Variants in CPNE4 observed in about 807,000 individuals in gnomAD.
CPNE4 encodes the protein copine 4, also known as copine-4.
CPNE4 carries 25 observed loss-of-function variants against 67.9 expected under a neutral mutation model. The ratio of observed to expected loss-of-function variants is 0.37; its 90% CI spans 0.27 to 0.51. The LOEUF (loss-of-function observed/expected upper bound fraction) is 0.51, where lower values mean the gene tolerates loss of function less well. Among genes scored for constraint, CPNE4 ranks in the 20% least tolerant of loss-of-function variants. The probability of loss-of-function intolerance (pLI) is 0.93; values close to 1 mark genes in which losing one functional copy is unlikely to be tolerated. For synonymous variants in CPNE4, 242 were observed against 244.9 expected (o/e 0.99, Z 0.11); for missense variants, 464 against 690.8 (o/e 0.67, Z 3.68).
chr3:131,752,626 T>C (rs2082658137), intron 2 of CPNE4, among the ~76,000 whole-genome samples: 1 of 152,200 alleles, frequency 6.6e-6, no homozygotes, highest in South Asian at 2.1e-4. Context: ...GTTTTTGCCA[T>C]ATTTAGTGAG....
chr3:131,909,870 T>C (rs1379507221), intron 1 of CPNE4, among the ~76,000 whole-genome samples: 1 of 152,086 alleles, frequency 6.6e-6, no homozygotes, highest in Admixed American at 6.6e-5. Context: ...TATAAAAGAA[T>C]AAACATATAA....
chr3:131,701,322 C>G (rs1198421910), intron 3 of CPNE4, among the ~76,000 whole-genome samples: 3 of 152,096 alleles, frequency 2.0e-5, no homozygotes, highest in Non-Finnish European at 4.4e-5. Flanking sequence ...CTGGAAGCTT[C>G]TATTTAACAT....
intron 2 of CPNE4, among the ~76,000 whole-genome samples, chr3:131,840,682 C>T (rs1357652699): frequency 6.6e-6 from 1 of 152,118 alleles, no homozygotes; most frequent in Non-Finnish European, 1.5e-5. Flanking sequence ...TTGTATGTCC[C>T]CATATCCCCA....
At chr3:131,778,238 G>A (rs1249137090) in intron 2 of CPNE4, among the ~76,000 whole-genome samples, 1 of 152,040 alleles carries the variant, frequency 6.6e-6, no homozygotes, top group East Asian at 1.9e-4. Flanking sequence ...CATACTGCAT[G>A]CACATTCTCA....
chr3:131,772,938 G>A (rs2083204317), intron 2 of CPNE4, among the ~76,000 whole-genome samples: 1 of 152,084 alleles, frequency 6.6e-6, no homozygotes, highest in Non-Finnish European at 1.5e-5. Context: ...TAAGAACTAG[G>A]AAGTGATCAC....
At chr3:131,772,378 A>G (rs2083189888) in intron 2 of CPNE4, among the ~76,000 whole-genome samples, 2 of 152,204 alleles carry the variant, frequency 1.3e-5, no homozygotes, top group Admixed American at 6.5e-5. Flanking sequence ...GAGTGTTGCC[A>G]CAGTAAATGT....
At chr3:131,655,532 T>G (rs866929967) in intron 7 of CPNE4, among the ~76,000 whole-genome samples, 4 of 152,208 alleles carry the variant, frequency 2.6e-5, no homozygotes, top group Non-Finnish European at 2.9e-5. Flanking sequence ...TTTAGTGATT[T>G]TACTCTTTCA....
In CPNE4 at chr3:131,723,599, G is replaced by T; in HGVS notation, c.207C>A (p.Thr69=). The change falls in exon 3 of 16, where the codon ACC becomes ACA. Residue 69 remains threonine, a synonymous_variant. Coordinates refer to ENST00000429747, the MANE Select transcript of CPNE4 (RefSeq NM_130808.3). ...GTTTTGAGTACACTGGGTTTATGCA[G>T]GTGCGAATCACCTCAGTCCTGTCAA... is the stretch of plus-strand genomic sequence containing the variant. ...FEVDRTEVIR[T]CINPVYSKLF... 1 of 1,613,974 alleles carries T rather than the reference G, an allele frequency of 6.2e-7. No homozygotes were observed. Among genetic ancestry groups the T allele is most frequent in the Non-Finnish European group, 8.5e-7 (1 of 1,179,916 alleles).
intron 3 of CPNE4, among the ~76,000 whole-genome samples, chr3:131,720,425 C>T (rs940260269): frequency 6.6e-6 from 1 of 151,686 alleles, no homozygotes; most frequent in Non-Finnish European, 1.5e-5. Context: ...GCTGGGACTA[C>T]AGGCATGCAC....
At chr3:131,740,914 C>T (rs568075173) in intron 2 of CPNE4, among the ~76,000 whole-genome samples, 23 of 152,324 alleles carry the variant, frequency 1.5e-4, no homozygotes, top group Non-Finnish European at 2.8e-4. Flanking sequence ...ACATCCTAGG[C>T]ATACTCTTGT....
At chr3:131,861,630 A>G (rs2086691096) in intron 2 of CPNE4, among the ~76,000 whole-genome samples, 1 of 151,914 alleles carries the variant, frequency 6.6e-6, no homozygotes, top group Non-Finnish European at 1.5e-5. Context: ...ATGGGGTTTC[A>G]CTATGTTGGC....
Position 132,027,896 on chromosome 3 carries a change from G to A in CPNE4, c.-2+6671C>T, listed in dbSNP as rs187873173. Among the ~76,000 whole-genome samples the A allele has an allele frequency of 2.0e-5, 3 of 152,044 alleles. No homozygotes were observed. The East Asian group carries it at 5.8e-4, about 29-fold the overall frequency. On this transcript the variant is annotated intron_variant, in intron 1 of 15. Coordinates refer to ENST00000429747, the MANE Select transcript of CPNE4 (RefSeq NM_130808.3). Reference sequence around the variant, plus strand: ...TTATTTTTCATTTTTATGGATATTTGTATGAAATACACCTTTCAATATTTT... The same window carrying A: ...TTATTTTTCATTTTTATGGATATTTATATGAAATACACCTTTCAATATTTT...
intron 2 of CPNE4, among the ~76,000 whole-genome samples, chr3:131,777,499 G>A (rs1403515552): frequency 6.6e-6 from 1 of 151,936 alleles, no homozygotes; most frequent in African/African-American, 2.4e-5. Flanking sequence ...AAGGGTAGAT[G>A]AGGTTGTCCT....
At chr3:131,629,380 G>A (rs544208275) in intron 7 of CPNE4, among the ~76,000 whole-genome samples, 95 of 139,336 alleles carry the variant, frequency 6.8e-4, no homozygotes, top group Non-Finnish European at 1.1e-3. Context: ...TTTAAATTAA[G>A]GTATGTTCAT....
intron 2 of CPNE4, among the ~76,000 whole-genome samples, chr3:131,879,694 T>C (rs766667851): frequency 1.4e-4 from 22 of 152,200 alleles, no homozygotes; most frequent in Non-Finnish European, 2.6e-4. Flanking sequence ...CTTCTGGGTG[T>C]ATGGCTTAGG....
chr3:131,905,627 C>G (rs894464735), intron 1 of CPNE4, among the ~76,000 whole-genome samples, 183 bp from the exon 2 acceptor site: 2 of 152,096 alleles, frequency 1.3e-5, no homozygotes, highest in Non-Finnish European at 2.9e-5. Context: ...AGGAAACAAA[C>G]AAACAAAAAA....
At chr3:131,823,985 G>T (rs1461233450) in intron 2 of CPNE4, among the ~76,000 whole-genome samples, 1 of 152,070 alleles carries the variant, frequency 6.6e-6, no homozygotes, top group Non-Finnish European at 1.5e-5. Flanking sequence ...AATGAATGAG[G>T]GCTTGTTTCT....
chr3:131,535,828 A>G (rs920548385), intron 15 of CPNE4, among the ~76,000 whole-genome samples: 1 of 152,222 alleles, frequency 6.6e-6, no homozygotes, highest in Non-Finnish European at 1.5e-5. Context: ...ACTCAGAGCT[A>G]CTGAATCACA....
intron 2 of CPNE4, among the ~76,000 whole-genome samples, chr3:131,844,886 A>T (rs1436440420): frequency 3.3e-5 from 5 of 152,272 alleles, no homozygotes; most frequent in African/African-American, 1.2e-4. Context: ...ATGACACGTA[A>T]GCATATTATG....
Sources: gnomAD v4.1 joint callset for allele counts (sites outside exome capture counted in the v4.1 genomes callset) on GRCh38, gnomAD v4.1.1 for gene constraint, MANE v1.5 for transcripts, NCBI Gene and HGNC (gene_info 2026-07-23, HGNC 2026-07-21) for gene names.